XPO1: variants seen among roughly 807,000 people sequenced by gnomAD.
XPO1 encodes the protein exportin 1.
XPO1 carries 5 observed loss-of-function variants against 133.3 expected under a neutral mutation model. The observed-to-expected ratio is 0.04, with a 90% confidence interval of 0.02 to 0.08. The LOEUF (loss-of-function observed/expected upper bound fraction) is 0.08. Among genes scored for constraint, XPO1 ranks in the 10% least tolerant of loss-of-function variants. XPO1 has a pLI of 1.00. For missense variants in XPO1, 506 were observed against 1,267.5 expected (o/e 0.40, Z 9.12); for synonymous variants, 419 against 408.2 (o/e 1.03, Z -0.32).
At chr2:61,481,387 T>A in intron 23 of XPO1, 106 bp from the exon 24 acceptor site, 1 of 598,810 alleles carries the variant, frequency 1.7e-6, no homozygotes. Flanking sequence ...CTGCTCACTG[T>A]AATCTCTGCC....
intron 6 of XPO1, among the ~76,000 whole-genome samples, chr2:61,500,578 CAAAAAAA>C (rs56213841): frequency 9.9e-5 from 4 of 40,424 alleles, no homozygotes; most frequent in African/African-American, 5.4e-4. Flanking sequence ...GACTCCATCT[CAAAAAAA>C]AAAAAAAAAA....
intron 1 of XPO1, among the ~76,000 whole-genome samples, chr2:61,535,932 T>A (rs2104861239): frequency 6.6e-6 from 1 of 152,354 alleles, no homozygotes; most frequent in African/African-American, 2.4e-5. Context: ...TTAAAAGCAA[T>A]GTCCACAAAG....
Position 61,502,033 on chromosome 2 carries a change from T to G in XPO1, c.371A>C (p.Lys124Thr). ...SSDPTCVEKE[K>T]VYIGKLNMIL... ...CATATTTAATTTTCCGATATACACCTTTTCTTTCTAAGGAAAAGTAAAAGA... is the reference window on the plus strand; with the variant it reads ...CATATTTAATTTTCCGATATACACCGTTTCTTTCTAAGGAAAAGTAAAAGA... Residue 124 changes from lysine to threonine, a missense_variant, in exon 6 of 25, where the codon AAG becomes ACG. Lys to Thr is a moderately conservative substitution (Grantham distance 78, BLOSUM62 -1). Transcript: ENST00000401558. 1 of 1,600,766 alleles carries G rather than the reference T, an allele frequency of 6.2e-7. No homozygotes were observed. The highest frequency in any genetic ancestry group is 8.5e-7 in the Non-Finnish European group (1 of 1,172,542).
chr2:61,496,637 T>G (rs1032078298), intron 10 of XPO1, among the ~76,000 whole-genome samples: 13 of 152,248 alleles, frequency 8.5e-5, no homozygotes, highest in African/African-American at 3.1e-4. Flanking sequence ...TGGTCAGGTA[T>G]CTCCCAAAAG....
At chr2:61,502,870 G>A (rs1327853121) in intron 4 of XPO1, among the ~76,000 whole-genome samples, 1 of 152,000 alleles carries the variant, frequency 6.6e-6, no homozygotes, top group Non-Finnish European at 1.5e-5. Flanking sequence ...GCCTCCCAAA[G>A]TGCTGGAATT....
At chr2:61,494,334 A>G in intron 11 of XPO1, 1 of 380,214 alleles carries the variant, frequency 2.6e-6, no homozygotes. Context: ...CATGTCTCCT[A>G]ATGGAACGAC....
chr2:61,493,165 T>C lies in XPO1; in HGVS notation c.1246-112A>G, dbSNP rs1030752042. ...CCAAAAAAACCACAAGCCAGCCATG[T>C]GTAGGGATTCATGCCTATAATTCCA... On this transcript the variant is annotated intron_variant, in intron 12 of 24. Coordinates refer to ENST00000401558, the MANE Select transcript of XPO1 (RefSeq NM_003400.4). 5.9e-5 allele frequency: 65 copies of C among 1,110,568 alleles called. 1 individual carries two copies. The African/African-American group carries it at 8.9e-4, about 15-fold the overall frequency. 68.8% of individuals were successfully genotyped at this position (1,110,568 alleles called of 1,614,324 possible).
chr2:61,495,129 G>C (rs1195246476), intron 11 of XPO1, among the ~76,000 whole-genome samples: 1 of 151,946 alleles, frequency 6.6e-6, no homozygotes, highest in Non-Finnish European at 1.5e-5. Flanking sequence ...ACGATGAATT[G>C]TATATCTTTA....
Position 61,526,488 on chromosome 2 carries a change from T to G in XPO1, c.160A>C (p.Lys54Gln). The part of the protein sequence containing the change: ...RMAQEVLTHL[K>Q]EHPDAWTRVD... ...CTTGTCCAAGCATCAGGATGCTCCT[T>G]TAAATGTGTCAGTACTTCTTGAGCC... The change falls in exon 3 of 25, where the codon AAG becomes CAG. Residue 54 changes from lysine to glutamine, a missense_variant. Lys to Gln is a moderately conservative substitution (Grantham distance 53). Coordinates refer to ENST00000401558, the MANE Select transcript of XPO1 (RefSeq NM_003400.4). The G allele has an allele frequency of 6.2e-7, 1 of 1,604,610 alleles. No individual in the cohort carries two copies.
chr2:61,520,911 C>T (rs1698659999), intron 4 of XPO1, among the ~76,000 whole-genome samples: 2 of 152,098 alleles, frequency 1.3e-5, no homozygotes, highest in Non-Finnish European at 2.9e-5. Context: ...GGGCTCATAA[C>T]ACATGAGTAA....
At chr2:61,529,070 G>GGT (rs1190720755) in intron 2 of XPO1, among the ~76,000 whole-genome samples, 1 of 151,302 alleles carries the variant, frequency 6.6e-6, no homozygotes, top group Non-Finnish European at 1.5e-5. Flanking sequence ...ACGCACTTAT[G>GGT]GTCCCAGCTA....
At chr2:61,501,647 C>CG (rs1282780244) in intron 6 of XPO1, among the ~76,000 whole-genome samples, 1 of 147,034 alleles carries the variant, frequency 6.8e-6, no homozygotes, top group Non-Finnish European at 1.5e-5. Flanking sequence ...CGCTTGAACC[C>CG]GGGTAGCAGA....
chr2:61,505,296 T>C (rs1026708942), intron 4 of XPO1, among the ~76,000 whole-genome samples: 5 of 152,152 alleles, frequency 3.3e-5, no homozygotes, highest in Non-Finnish European at 7.4e-5. Flanking sequence ...CCCAGCCTAA[T>C]ACTATTTTTA....
At chr2:61,511,465 A>G (rs1485440925) in intron 4 of XPO1, among the ~76,000 whole-genome samples, 3 of 152,078 alleles carry the variant, frequency 2.0e-5, no homozygotes, top group African/African-American at 7.2e-5. Context: ...CCCAGGCTGG[A>G]GTGCAGTGGT....
chr2:61,512,980 CAG>C lies in XPO1; in HGVS notation c.301+9629_301+9630del, dbSNP rs1315129642. 2.0e-5 allele frequency among the ~76,000 whole-genome samples: 3 copies of C among 152,268 alleles called. No homozygotes were observed. In the East Asian group the frequency reaches 5.8e-4, roughly 29 times the overall value. On this transcript the variant is annotated intron_variant, in intron 4 of 24. Transcript: ENST00000401558. Reference sequence around the variant, plus strand: ...GCGCCACTGTACTCTGGCCAGGAGACAGAGCATGACTCTGTCTCAAATAAATA... The same window carrying C: ...GCGCCACTGTACTCTGGCCAGGAGACAGCATGACTCTGTCTCAAATAAATA...
At chr2:61,502,341 T>C (rs1376664740) in intron 4 of XPO1, 31 bp from the exon 5 acceptor site, 5 of 1,592,124 alleles carry the variant, frequency 3.1e-6, no homozygotes, top group East Asian at 2.2e-5. Context: ...AATAAAAAAA[T>C]TGTTGAGCTC....
chr2:61,527,111 C>T (rs1698938057), intron 2 of XPO1, among the ~76,000 whole-genome samples: 1 of 152,110 alleles, frequency 6.6e-6, no homozygotes, highest in Non-Finnish European at 1.5e-5. Context: ...AACTGCATTT[C>T]AACCAAAGAT....
chr2:61,503,798 C>G (rs1004152971), intron 4 of XPO1, among the ~76,000 whole-genome samples: 1 of 152,196 alleles, frequency 6.6e-6, no homozygotes, highest in African/African-American at 2.4e-5. Flanking sequence ...AACTCCTGAC[C>G]TCAAGTAATC....
chr2:61,488,062 T>C, intron 19 of XPO1, 103 bp downstream of exon 19: 1 of 955,256 alleles, frequency 1.0e-6, no homozygotes, highest in Admixed American at 2.2e-5. Context: ...AACCACAAAG[T>C]TGATATGCTT....
Sources: gnomAD v4.1 joint callset for allele counts (sites outside exome capture counted in the v4.1 genomes callset) on GRCh38, gnomAD v4.1.1 for gene constraint, MANE v1.5 for transcripts, NCBI Gene and HGNC (gene_info 2026-07-23, HGNC 2026-07-21) for gene names.